The following UNC5A variants were observed in gnomAD, a reference collection of about 807,000 sequenced individuals.
UNC5A encodes unc-5 netrin receptor A.
Under a neutral mutation model 87.4 loss-of-function variants are expected in UNC5A, and 20 were observed. That is an observed-to-expected ratio of 0.23 (90% confidence interval 0.16 to 0.33). The LOEUF is 0.33. Among genes scored for constraint, UNC5A ranks in the 10% least tolerant of loss-of-function variants. The pLI, the probability that UNC5A is intolerant of heterozygous loss-of-function variation, is 1.00. For missense variants in UNC5A, 844 were observed against 1,133.4 expected (o/e 0.74, Z 3.67); for synonymous variants, 438 against 482.3 (o/e 0.91, Z 1.20).
intron 1 of UNC5A, among the ~76,000 whole-genome samples, chr5:176,834,721 C>G (rs1581251559): frequency 2.8e-5 from 4 of 141,220 alleles, no homozygotes; most frequent in Non-Finnish European, 6.3e-5. Context: ...CTGTCTCTCT[C>G]TCCCTCCTCT....
Position 176,810,836 on chromosome 5 carries a change from C to T in UNC5A, c.70+16C>T. 4.1e-6 allele frequency: 5 copies of T among 1,222,502 alleles called. No individual in the cohort carries two copies. Among genetic ancestry groups the T allele is most frequent in the Non-Finnish European group, 5.1e-6 (5 of 981,674 alleles). 75.7% of individuals were successfully genotyped at this position (1,222,502 alleles called of 1,614,324 possible). On this transcript the variant is annotated intron_variant, in intron 1 of 14. Coordinates refer to ENST00000329542, the MANE Select transcript of UNC5A (RefSeq NM_133369.3). This position sits in a 1 kb window ranked among gnomAD's most constrained non-coding sequence, Gnocchi z 7.3. ...CGCGGCTCGGGTGAGTCACGCCGCG[C>T]GCGCTCTGGGGAGGCTTGCGGGGGA...
At position 176,875,208 on chromosome 5, in the gene UNC5A, GCCGTGTCTGTGCAGATAACTCCCACTCC is replaced by G. The variant is rs1262980099; in HGVS notation, c.1378+645_1378+672del. Among the ~76,000 whole-genome samples, 1 of 151,978 alleles carries G rather than the reference GCCGTGTCTGTGCAGATAACTCCCACTCC, an allele frequency of 6.6e-6. No homozygotes were observed. The highest frequency in any genetic ancestry group is 6.6e-5 in the Admixed American group (1 of 15,262). ...CCTCGCCCACTCCATGGCTTTAATC[GCCGTGTCTGTGCAGATAACTCCCACTCC>G]CCCATCCTTAGCCTGCAGTTCTCCC... On this transcript the variant is annotated intron_variant, in intron 8 of 14. Coordinates refer to ENST00000329542, the MANE Select transcript of UNC5A (RefSeq NM_133369.3). The surrounding 1 kb of genome is among the most constrained non-coding windows in gnomAD (Gnocchi z 5.2).
At position 176,865,457 on chromosome 5, in the gene UNC5A, C is replaced by T. The variant is rs1212521456; in HGVS notation, c.292+2612C>T. ...CAGCCGGCTCCTGTGGCCCTGTTCTCTTCCTGCCGGGCAGAGAAGCAGAGC... is the reference window on the plus strand; with the variant it reads ...CAGCCGGCTCCTGTGGCCCTGTTCTTTTCCTGCCGGGCAGAGAAGCAGAGC... On this transcript the variant is annotated intron_variant, in intron 2 of 14. Transcript: ENST00000329542. The surrounding 1 kb of genome is among the most constrained non-coding windows in gnomAD (Gnocchi z 5.3). The T allele has an allele frequency of 1.0e-5, 4 of 384,458 alleles. No homozygotes were observed. The highest frequency in any genetic ancestry group is 2.1e-5 in the Non-Finnish European group (4 of 190,680). 23.8% of individuals were successfully genotyped at this position (384,458 alleles called of 1,614,324 possible). A position where few individuals can be genotyped will look rare whatever the true frequency, so the allele number is the denominator to read the frequency against.
At chr5:176,873,942 C>T (rs771785978) in intron 6 of UNC5A, 26 bp from the exon 7 acceptor site, 124 of 1,606,678 alleles carry the variant, frequency 7.7e-5, no homozygotes, top group Non-Finnish European at 9.9e-5. Flanking sequence ...CCCCTGCCCC[C>T]ACCAAGGCCA....
At chr5:176,830,449 G>A (rs1756971034) in intron 1 of UNC5A, among the ~76,000 whole-genome samples, 1 of 150,438 alleles carries the variant, frequency 6.6e-6, no homozygotes. Context: ...ATGTGTGTGT[G>A]TGTGTTGTGC....
chr5:176,830,778 A>G (rs7446221), intron 1 of UNC5A, among the ~76,000 whole-genome samples: 95 of 43,544 alleles, frequency 2.2e-3, no homozygotes, highest in Non-Finnish European at 2.9e-3. Flanking sequence ...GTGTGTGTGT[A>G]CTGGCGTGTG....
intron 1 of UNC5A, among the ~76,000 whole-genome samples, chr5:176,819,079 G>C (rs1561637866): frequency 6.6e-6 from 1 of 152,198 alleles, no homozygotes; most frequent in African/African-American, 2.4e-5. Context: ...CGCACAGGTT[G>C]GGGGAGCCCC....
intron 1 of UNC5A, among the ~76,000 whole-genome samples, chr5:176,835,729 ATGTGTGTGTGTG>A (rs55990257): frequency 1.4e-5 from 2 of 145,298 alleles, no homozygotes; most frequent in Non-Finnish European, 3.0e-5. Context: ...TTGATAAAGG[ATGTGTGTGTGTG>A]TGTGTGTGTG....
chr5:176,847,028 C>G (rs1455533359), intron 1 of UNC5A, among the ~76,000 whole-genome samples: 1 of 152,118 alleles, frequency 6.6e-6, no homozygotes, highest in Non-Finnish European at 1.5e-5. Flanking sequence ...TAGGAGAGAG[C>G]AGCACAGCCC....
intron 1 of UNC5A, among the ~76,000 whole-genome samples, 183 bp downstream of exon 1, chr5:176,811,003 C>A (rs536427723): frequency 6.6e-6 from 1 of 152,218 alleles, no homozygotes; most frequent in African/African-American, 2.4e-5. Flanking sequence ...CGCGCTCTCC[C>A]GGAAGCCTGG....
At chr5:176,831,216 C>G (rs921273709) in intron 1 of UNC5A, among the ~76,000 whole-genome samples, 1 of 152,162 alleles carries the variant, frequency 6.6e-6, no homozygotes. Flanking sequence ...TGTCGCCATA[C>G]AAGACAGGGA....
chr5:176,829,321 T>G (rs1252346397), intron 1 of UNC5A, among the ~76,000 whole-genome samples: 6 of 78,494 alleles, frequency 7.6e-5, no homozygotes, highest in Admixed American at 1.6e-4. Context: ...TGAATGGATG[T>G]ATGAAATATG....
intron 5 of UNC5A, 68 bp from the exon 6 acceptor site, chr5:176,870,302 C>T: frequency 2.6e-6 from 4 of 1,568,418 alleles, no homozygotes; most frequent in Non-Finnish European, 3.5e-6. Flanking sequence ...AGGGGCCACA[C>T]TGGCAGACTG....
In UNC5A at chr5:176,824,857, C is replaced by T. The variant is rs752721413; in HGVS notation, c.70+14037C>T. Among the ~76,000 whole-genome samples, 52 of 151,998 alleles carry T rather than the reference C, an allele frequency of 3.4e-4. No individual in the cohort carries two copies. The highest frequency in any genetic ancestry group is 3.9e-4 in the Admixed American group (6 of 15,266). ...CAGGCACTCTCACCACTCCGTATCC[C>T]CCACCCCATGCACCCCCAGTGCCTG... On this transcript the variant is annotated intron_variant, in intron 1 of 14. Transcript: ENST00000329542. This position sits in a 1 kb window ranked among gnomAD's most constrained non-coding sequence, Gnocchi z 4.2.
Position 176,869,636 on chromosome 5 carries a change from G to A in UNC5A, c.721+672G>A. On this transcript the variant is annotated intron_variant, in intron 5 of 14. Coordinates refer to ENST00000329542, the MANE Select transcript of UNC5A (RefSeq NM_133369.3). The surrounding 1 kb of genome is among the most constrained non-coding windows in gnomAD (Gnocchi z 9.1). The stretch of plus-strand genomic sequence containing the variant: ...CAGTGAACGGTGGGTGGTCGACGTG[G>A]ACCGAGTGGTCCGTCTGCAGCGCCA... The A allele has an allele frequency of 1.4e-6, 1 of 699,960 alleles. No individual in the cohort carries two copies. 43.4% of individuals were successfully genotyped at this position (699,960 alleles called of 1,614,324 possible). A position where few individuals can be genotyped will look rare whatever the true frequency, so the allele number is the denominator to read the frequency against.
chr5:176,872,243 T>C (rs1232729447), intron 6 of UNC5A, among the ~76,000 whole-genome samples: 2 of 17,164 alleles, frequency 1.2e-4, no homozygotes, highest in East Asian at 1.5e-3. Flanking sequence ...TGCCCACACC[T>C]GCCCCAACAC....
intron 1 of UNC5A, among the ~76,000 whole-genome samples, chr5:176,858,778 A>AG (rs1561659057): frequency 2.8e-3 from 104 of 36,508 alleles, no homozygotes; most frequent in African/African-American, 7.7e-3. Flanking sequence ...AAGGAAGGCA[A>AG]GCAAGCAGGC....
intron 1 of UNC5A, among the ~76,000 whole-genome samples, chr5:176,842,984 A>C (rs1233140228): frequency 6.6e-6 from 1 of 152,166 alleles, no homozygotes; most frequent in Non-Finnish European, 1.5e-5. Flanking sequence ...CAACATGGCA[A>C]ACCCTGTCTC....
chr5:176,870,634 G>C (rs1758086568), intron 6 of UNC5A, 100 bp downstream of exon 6: 2 of 1,350,920 alleles, frequency 1.5e-6, no homozygotes, highest in Admixed American at 2.6e-5. Flanking sequence ...CCTGCCAAAG[G>C]CTGTAGCCTC....
Sources: allele counts gnomAD v4.1 joint callset (sites outside exome capture counted in the v4.1 genomes callset), GRCh38; gene constraint gnomAD v4.1.1; non-coding constraint Gnocchi (gnomAD v3.1); transcripts MANE v1.5; gene names NCBI Gene and HGNC (gene_info 2026-07-23, HGNC 2026-07-21).